The following SLC1A1 variants were observed in gnomAD, a reference collection of about 807,000 sequenced individuals.
SLC1A1 encodes the protein solute carrier family 1 member 1.
SLC1A1 carries 43 observed loss-of-function variants against 53.3 expected under a neutral mutation model. That is an observed-to-expected ratio of 0.81 (90% confidence interval 0.63 to 1.04). The LOEUF (loss-of-function observed/expected upper bound fraction) is 1.04, where lower values mean the gene tolerates loss of function less well. Among genes scored for constraint, SLC1A1 ranks in the 50% least tolerant of loss-of-function variants. SLC1A1 has a pLI of 0.00. For missense variants in SLC1A1, 748 were observed against 664.9 expected (o/e 1.12, Z -1.37); for synonymous variants, 307 against 243.2 (o/e 1.26, Z -2.44).
intron 1 of SLC1A1, among the ~76,000 whole-genome samples, chr9:4,533,735 C>T (rs1198667576): frequency 1.3e-5 from 2 of 152,198 alleles, no homozygotes; most frequent in African/African-American, 4.8e-5. Context: ...CTACAGAACT[C>T]TCCTCCCCAA....
chr9:4,570,916 A>T (rs1172750293), intron 6 of SLC1A1, among the ~76,000 whole-genome samples: 2 of 113,052 alleles, frequency 1.8e-5, no homozygotes, highest in South Asian at 2.3e-4. Flanking sequence ...CTGTCTGTTT[A>T]AAAAAAAAAA....
intron 6 of SLC1A1, among the ~76,000 whole-genome samples, chr9:4,569,473 GC>G (rs1819818777): frequency 6.6e-6 from 1 of 152,180 alleles, no homozygotes; most frequent in Admixed American, 6.5e-5. Flanking sequence ...AAATCAACAT[GC>G]TTTGAGAGCT....
At chr9:4,537,598 TAAAAAA>T (rs552005556) in intron 1 of SLC1A1, among the ~76,000 whole-genome samples, 1 of 125,048 alleles carries the variant, frequency 8.0e-6, no homozygotes, top group African/African-American at 3.1e-5. Flanking sequence ...TAAAATAAAA[TAAAAAA>T]AAAAAAAATC....
chr9:4,490,716 C>A lies in SLC1A1; in HGVS notation c.37C>A (p.Arg13Ser), dbSNP rs201514288. ...GGCGAGGAAAGGATGCGAGTGGAAG[C>A]GCTTCCTGAAGAATAACTGGGTGTT... ...KPARKGCEWK[R>S]FLKNNWVLLS... Residue 13 changes from arginine (R) to serine (S), a missense_variant, in exon 1 of 12, where the codon CGC becomes AGC. Coordinates refer to ENST00000262352, the MANE Select transcript of SLC1A1 (RefSeq NM_004170.6). The A allele has an allele frequency of 1.2e-6, 2 of 1,612,834 alleles. No homozygotes were observed. The highest frequency in any genetic ancestry group is 8.5e-7 in the Non-Finnish European group (1 of 1,179,100).
chr9:4,572,988 T>A (rs147272617), intron 7 of SLC1A1, among the ~76,000 whole-genome samples: 29 of 152,314 alleles, frequency 1.9e-4, no homozygotes, highest in Non-Finnish European at 3.1e-4. Flanking sequence ...AAGAAGTAAT[T>A]CTTTAAAAAA....
rs1353865428 is a variant in SLC1A1, at chr9:4,587,311, G to A, written c.*1753G>A. The A allele has an allele frequency of 6.6e-6, 1 of 152,088 alleles. No homozygotes were observed. 9.4% of individuals were successfully genotyped at this position (152,088 alleles called of 1,614,324 possible). On this transcript the variant is annotated 3_prime_UTR_variant, in exon 12 of 12. Coordinates refer to ENST00000262352, the MANE Select transcript of SLC1A1 (RefSeq NM_004170.6). ...GCTAAATGGTTCTACCCCTTACTAG[G>A]TTGCCCCAATTAGTGGCACTAGTTG...
In SLC1A1 at chr9:4,556,562, C is replaced by CG. The variant is rs1216025511; in HGVS notation, c.233-4882dup. 1.3e-5 allele frequency among the ~76,000 whole-genome samples: 2 copies of CG among 152,064 alleles called. No individual in the cohort carries two copies. Among genetic ancestry groups the CG allele is most frequent in the Non-Finnish European group, 2.9e-5 (2 of 68,014 alleles). On this transcript the variant is annotated intron_variant, in intron 2 of 11. Coordinates refer to ENST00000262352, the MANE Select transcript of SLC1A1 (RefSeq NM_004170.6). The surrounding 1 kb of genome is among the most constrained non-coding windows in gnomAD (Gnocchi z 4.1). ...AAAGATGGCCTGAGAGCAAGAAACCCGGGGGTCCATTGAGAATAAAAACTC... is the reference window on the plus strand; with the variant it reads ...AAAGATGGCCTGAGAGCAAGAAACCCGGGGGGTCCATTGAGAATAAAAACTC...
At position 4,548,244 on chromosome 9, in the gene SLC1A1, T is replaced by G. The variant is rs954459079; in HGVS notation, c.232+3537T>G. On this transcript the variant is annotated intron_variant, in intron 2 of 11. Coordinates refer to ENST00000262352, the MANE Select transcript of SLC1A1 (RefSeq NM_004170.6). ...CCTTCCTCCAGACCCTGAAGTAGTC[T>G]TCAGCCTCCCTACCCAGAAGATGGC... 7.2e-5 allele frequency among the ~76,000 whole-genome samples: 11 copies of G among 152,244 alleles called. No homozygotes were observed. In the East Asian group the frequency reaches 2.1e-3, roughly 29 times the overall value.
intron 2 of SLC1A1, among the ~76,000 whole-genome samples, chr9:4,547,318 G>C (rs1045561485): frequency 5.9e-5 from 9 of 152,202 alleles, no homozygotes; most frequent in African/African-American, 2.2e-4. Flanking sequence ...GCTATAGCAT[G>C]GATCAAGTAG....
At position 4,556,879 on chromosome 9, in the gene SLC1A1, G is replaced by A. The variant is rs1818447449; in HGVS notation, c.233-4570G>A. 6.6e-6 allele frequency among the ~76,000 whole-genome samples: 1 copy of A among 152,118 alleles called. No homozygotes were observed. On this transcript the variant is annotated intron_variant, in intron 2 of 11. Coordinates refer to ENST00000262352, the MANE Select transcript of SLC1A1 (RefSeq NM_004170.6). The surrounding 1 kb of genome is among the most constrained non-coding windows in gnomAD (Gnocchi z 4.1). ...GTTTGCGGTTTTAGAATTTCAGAGG[G>A]GTGGTGATTAGGAAAACGGCTTTGG...
At chr9:4,543,995 C>G (rs1010771112) in intron 1 of SLC1A1, among the ~76,000 whole-genome samples, 1 of 151,818 alleles carries the variant, frequency 6.6e-6, no homozygotes, top group Non-Finnish European at 1.5e-5. Flanking sequence ...CCTGGGCAAC[C>G]GAATGAAACC....
intron 1 of SLC1A1, among the ~76,000 whole-genome samples, chr9:4,513,693 C>T (rs1205503235): frequency 1.3e-5 from 2 of 152,226 alleles, no homozygotes; most frequent in African/African-American, 4.8e-5. Flanking sequence ...AGCAGTCCCA[C>T]TCCTGTGTAT....
At chr9:4,555,474 G>A (rs192108901) in intron 2 of SLC1A1, among the ~76,000 whole-genome samples, 11 of 152,322 alleles carry the variant, frequency 7.2e-5, no homozygotes, top group African/African-American at 2.4e-4. Context: ...TTCCTTTGGA[G>A]TGTTTTTGTA....
intron 10 of SLC1A1, among the ~76,000 whole-genome samples, chr9:4,578,883 T>C (rs976078326): frequency 6.6e-5 from 10 of 152,222 alleles, no homozygotes; most frequent in African/African-American, 2.2e-4. Context: ...AAGACTTTTG[T>C]TCAGTTTAGA....
At chr9:4,573,850 C>A (rs907383907) in intron 7 of SLC1A1, 57 bp from the exon 8 acceptor site, 3 of 1,214,064 alleles carry the variant, frequency 2.5e-6, no homozygotes, top group African/African-American at 3.0e-5. Context: ...CCCCACCAAC[C>A]TAGCATGAGA....
At chr9:4,554,562 G>A (rs1382012757) in intron 2 of SLC1A1, among the ~76,000 whole-genome samples, 1 of 152,162 alleles carries the variant, frequency 6.6e-6, no homozygotes, top group African/African-American at 2.4e-5. Flanking sequence ...AGCACTCCAG[G>A]CAGAGGGAAG....
At chr9:4,536,787 C>G (rs1337114228) in intron 1 of SLC1A1, among the ~76,000 whole-genome samples, 1 of 152,104 alleles carries the variant, frequency 6.6e-6, no homozygotes, top group Non-Finnish European at 1.5e-5. Context: ...AGACTTGCAA[C>G]CAAGCCAAAT....
intron 1 of SLC1A1, among the ~76,000 whole-genome samples, chr9:4,528,335 G>T (rs34256260): frequency 0.013 from 2,004 of 152,324 alleles, 17 homozygotes; most frequent in Non-Finnish European, 0.021. Context: ...CACTTTGGGA[G>T]GCCGAGGCAG....
chr9:4,552,169 C>A (rs1817982336), intron 2 of SLC1A1, among the ~76,000 whole-genome samples: 1 of 152,164 alleles, frequency 6.6e-6, no homozygotes. Context: ...GAGGCATGGA[C>A]CTGGAAGACC....
Sources: allele counts gnomAD v4.1 joint callset (sites outside exome capture counted in the v4.1 genomes callset), GRCh38; gene constraint gnomAD v4.1.1; non-coding constraint Gnocchi (gnomAD v3.1); transcripts MANE v1.5; gene names NCBI Gene and HGNC (gene_info 2026-07-23, HGNC 2026-07-21).